BICD1: variants seen among roughly 807,000 people sequenced by gnomAD.
The protein encoded by BICD1 is BICD cargo adaptor 1, also known as protein bicaudal D homolog 1.
BICD1 carries 35 observed loss-of-function variants against 92.5 expected under a neutral mutation model. The ratio of observed to expected loss-of-function variants is 0.38; its 90% confidence interval spans 0.29 to 0.50. The LOEUF (loss-of-function observed/expected upper bound fraction) is 0.50, where lower values mean the gene tolerates loss of function less well. BICD1 is among the 20% of genes least tolerant of loss of function. BICD1 has a pLI of 0.93. For missense variants in BICD1, 950 were observed against 1,189.8 expected (o/e 0.80, Z 2.97); for synonymous variants, 429 against 465.1 (o/e 0.92, Z 1.00).
intron 1 of BICD1, among the ~76,000 whole-genome samples, chr12:32,186,230 G>C (rs570462697): frequency 5.4e-4 from 82 of 152,296 alleles, no homozygotes; most frequent in African/African-American, 1.9e-3. Flanking sequence ...ACATTTACTA[G>C]AGTGGTGTAC....
rs553685769 is a variant in BICD1 at position 32,166,606 on chromosome 12, A to T, written c.214-49641A>T. 2.0e-5 allele frequency among the ~76,000 whole-genome samples: 3 copies of T among 152,284 alleles called. No individual in the cohort carries two copies. In the South Asian group the frequency reaches 6.2e-4, roughly 32 times the overall value. On this transcript the variant is annotated intron_variant, in intron 1 of 9. Transcript: ENST00000652176. ...GGCTGAGAAAGCTTGAGTTAAAGTA[A>T]ACCTGATAACCTGTATTTAAATGAA... is the stretch of plus-strand genomic sequence containing the variant.
chr12:32,208,169 G>A (rs1299106198), intron 1 of BICD1, among the ~76,000 whole-genome samples: 1 of 152,178 alleles, frequency 6.6e-6, no homozygotes, highest in East Asian at 1.9e-4. Context: ...TGAGGTAACT[G>A]AAACATAGAA....
intron 3 of BICD1, among the ~76,000 whole-genome samples, chr12:32,298,777 G>A (rs1448257752): frequency 1.3e-5 from 2 of 149,752 alleles, no homozygotes; most frequent in Non-Finnish European, 2.9e-5. Flanking sequence ...GGCTGAGGCA[G>A]GAGAATCGCT....
At chr12:32,253,097 G>T (rs1946610799) in intron 2 of BICD1, among the ~76,000 whole-genome samples, 1 of 152,076 alleles carries the variant, frequency 6.6e-6, no homozygotes, top group Admixed American at 6.6e-5. Context: ...TGCCCAGGCT[G>T]GTCTTGAACT....
chr12:32,279,442 A>C (rs1003382194), intron 2 of BICD1, among the ~76,000 whole-genome samples: 1 of 152,216 alleles, frequency 6.6e-6, no homozygotes, highest in Non-Finnish European at 1.5e-5. Flanking sequence ...TCCCGTAAAA[A>C]TACATGTTCC....
At chr12:32,266,294 T>G (rs1358686337) in intron 2 of BICD1, among the ~76,000 whole-genome samples, 1 of 152,236 alleles carries the variant, frequency 6.6e-6, no homozygotes, top group African/African-American at 2.4e-5. Context: ...CTAGAAATTA[T>G]ATTTTCTGGA....
At chr12:32,126,992 G>C (rs993909584) in intron 1 of BICD1, among the ~76,000 whole-genome samples, 3 of 151,906 alleles carry the variant, frequency 2.0e-5, no homozygotes, top group Non-Finnish European at 4.4e-5. Context: ...CCATTGGATT[G>C]TTTACATTTT....
At chr12:32,282,321 A>G (rs1215068120) in intron 2 of BICD1, among the ~76,000 whole-genome samples, 1 of 147,960 alleles carries the variant, frequency 6.8e-6, no homozygotes, top group African/African-American at 2.5e-5. Flanking sequence ...CCTGGACTCA[A>G]GTGATCCTCC....
At chr12:32,128,873 A>G (rs1242925875) in intron 1 of BICD1, among the ~76,000 whole-genome samples, 4 of 152,100 alleles carry the variant, frequency 2.6e-5, no homozygotes, top group African/African-American at 9.7e-5. Flanking sequence ...CCCAGGTTCA[A>G]GCAACCCTCC....
At chr12:32,365,202 A>G (rs1332976122) in intron 8 of BICD1, among the ~76,000 whole-genome samples, 4 of 152,304 alleles carry the variant, frequency 2.6e-5, no homozygotes, top group Admixed American at 1.3e-4. Flanking sequence ...GTGCCATTGC[A>G]CTCCAGCCTG....
intron 2 of BICD1, among the ~76,000 whole-genome samples, chr12:32,241,198 G>C (rs1946226871): frequency 6.6e-6 from 1 of 152,198 alleles, no homozygotes; most frequent in African/African-American, 2.4e-5. Context: ...ACTCTGTGCT[G>C]TATTTTAATT....
In BICD1 at chr12:32,338,903, GGGCCCCCC is replaced by G; in HGVS notation, c.2689_2696del (p.Gly897PhefsTer4). 1 of 1,609,070 alleles carries G rather than the reference GGGCCCCCC, an allele frequency of 6.2e-7. No homozygotes were observed. The highest frequency in any genetic ancestry group is 1.1e-5 in the South Asian group (1 of 89,920). ...CCTCCACAGAATCATTTCTTCTGAA[GGGCCCCCC>G]TTCCATGAGTGAATTCATCCAAGGG... On this transcript the variant is annotated frameshift_variant, in exon 8 of 10. Coordinates refer to ENST00000652176, the MANE Select transcript of BICD1 (RefSeq NM_001714.4). LOFTEE classifies it high-confidence loss of function.
chr12:32,263,364 T>C (rs997445275), intron 2 of BICD1, among the ~76,000 whole-genome samples: 1 of 151,884 alleles, frequency 6.6e-6, no homozygotes, highest in African/African-American at 2.4e-5. Flanking sequence ...CTCGCCAAGA[T>C]GGTGAAACCC....
intron 2 of BICD1, among the ~76,000 whole-genome samples, chr12:32,232,641 T>C (rs1336426486): frequency 1.3e-5 from 2 of 152,074 alleles, no homozygotes; most frequent in Non-Finnish European, 2.9e-5. Context: ...GCTTTTGGTG[T>C]TTTATACATG....
intron 4 of BICD1, among the ~76,000 whole-genome samples, chr12:32,312,381 C>T (rs1447249238): frequency 6.6e-6 from 1 of 152,142 alleles, no homozygotes; most frequent in Non-Finnish European, 1.5e-5. Flanking sequence ...GCCATGCCTC[C>T]TCTGTAGAAT....
intron 8 of BICD1, among the ~76,000 whole-genome samples, chr12:32,360,991 A>G (rs1275063989): frequency 6.6e-6 from 1 of 152,206 alleles, no homozygotes; most frequent in Non-Finnish European, 1.5e-5. Flanking sequence ...AAGATGGAGG[A>G]AAAATGACTT....
chr12:32,319,822 G>A (rs1313033848), intron 4 of BICD1, among the ~76,000 whole-genome samples: 1 of 152,030 alleles, frequency 6.6e-6, no homozygotes, highest in African/African-American at 2.4e-5. Flanking sequence ...TGATCCTCCC[G>A]CCTTGGTCTC....
At chr12:32,210,191 A>G (rs1945174127) in intron 1 of BICD1, among the ~76,000 whole-genome samples, 1 of 152,086 alleles carries the variant, frequency 6.6e-6, no homozygotes, top group Non-Finnish European at 1.5e-5. Flanking sequence ...GACATAGTAC[A>G]GTGCTTTGTA....
At chr12:32,216,552 C>T in intron 2 of BICD1, 93 bp downstream of exon 2, 1 of 1,377,466 alleles carries the variant, frequency 7.3e-7, no homozygotes, top group South Asian at 1.3e-5. Flanking sequence ...TTGTTTTAAT[C>T]AGAGGAGCTG....
Sources: allele counts gnomAD v4.1 joint callset (sites outside exome capture counted in the v4.1 genomes callset), GRCh38; gene constraint gnomAD v4.1.1; transcripts MANE v1.5; gene names NCBI Gene and HGNC (gene_info 2026-07-23, HGNC 2026-07-21).